Variants in KIAA1328 observed in about 807,000 individuals in gnomAD.
KIAA1328 encodes protein hinderin.
Under a neutral mutation model 68.1 loss-of-function variants are expected in KIAA1328, and 52 were observed. The ratio of observed to expected loss-of-function variants is 0.76; its 90% CI spans 0.61 to 0.96. The LOEUF (loss-of-function observed/expected upper bound fraction) is 0.96, where lower values mean the gene tolerates loss of function less well. Among genes scored for constraint, KIAA1328 ranks in the 40% least tolerant of loss-of-function variants. The pLI, the probability that KIAA1328 is intolerant of heterozygous loss-of-function variation, is 0.00. For missense variants in KIAA1328, 641 were observed against 677.6 expected (o/e 0.95, Z 0.60); for synonymous variants, 232 against 239.4 (o/e 0.97, Z 0.28).
Position 36,990,671 on chromosome 18 carries a change from A to AATATAT in KIAA1328, c.576+31251_576+31256dup, listed in dbSNP as rs149879506. Among the ~76,000 whole-genome samples, 30 of 146,820 alleles carry AATATAT rather than the reference A, an allele frequency of 2.0e-4. No individual in the cohort carries two copies. In the South Asian group the frequency reaches 4.7e-3, roughly 23 times the overall value. On this transcript the variant is annotated intron_variant, in intron 6 of 9. Transcript: ENST00000280020. ...GGGCAACAGAGCAAGACTCCGTCTAAATATATATATATATATATATTTGTG... is the reference window on the plus strand; with the variant it reads ...GGGCAACAGAGCAAGACTCCGTCTAAATATATATATATATATATATATATATTTGTG...
intron 5 of KIAA1328, chr18:36,946,132 A>G (rs949640812): frequency 6.6e-6 from 1 of 152,228 alleles, no homozygotes; most frequent in African/African-American, 2.4e-5. Flanking sequence ...GTTAGCCAAA[A>G]TAGAAATGTT....
At chr18:37,036,923 A>G (rs1349229479) in intron 6 of KIAA1328, among the ~76,000 whole-genome samples, 2 of 152,218 alleles carry the variant, frequency 1.3e-5, no homozygotes, top group Admixed American at 6.5e-5. Flanking sequence ...CAGCCAAAAT[A>G]TGCTGAAGAG....
intron 7 of KIAA1328, among the ~76,000 whole-genome samples, chr18:37,111,708 C>T (rs1177994333): frequency 3.9e-5 from 6 of 152,044 alleles, no homozygotes; most frequent in African/African-American, 9.7e-5. Context: ...GAGTATGAGC[C>T]AAAGCAGGGT....
At chr18:36,912,859 T>C (rs1366044851) in intron 5 of KIAA1328, among the ~76,000 whole-genome samples, 1 of 152,194 alleles carries the variant, frequency 6.6e-6, no homozygotes, top group Admixed American at 6.5e-5. Flanking sequence ...TCAGACAGGT[T>C]ATTTGCTCCC....
chr18:36,867,942 C>T (rs538280246), intron 4 of KIAA1328, among the ~76,000 whole-genome samples: 29 of 152,256 alleles, frequency 1.9e-4, no homozygotes, highest in Non-Finnish European at 3.4e-4. Flanking sequence ...ATCTCTGGTT[C>T]ATAATTAAAT....
At chr18:37,148,776 G>T (rs1209908825) in intron 7 of KIAA1328, among the ~76,000 whole-genome samples, 2 of 152,184 alleles carry the variant, frequency 1.3e-5, no homozygotes, top group East Asian at 3.8e-4. Context: ...CTTTTGAGAA[G>T]TGTGTATTCA....
intron 5 of KIAA1328, among the ~76,000 whole-genome samples, chr18:36,931,995 A>G (rs1309391592): frequency 6.6e-6 from 1 of 151,304 alleles, no homozygotes; most frequent in Non-Finnish European, 1.5e-5. Context: ...AAACAGGTAA[A>G]CCATATGTAC....
At chr18:36,903,182 T>C (rs1009160464) in intron 5 of KIAA1328, among the ~76,000 whole-genome samples, 4 of 152,148 alleles carry the variant, frequency 2.6e-5, no homozygotes, top group African/African-American at 9.6e-5. Flanking sequence ...TTCATGTTTT[T>C]CATTTAATCA....
downstream of KIAA1328, among the ~76,000 whole-genome samples, chr18:37,228,075 G>T (rs912656825): frequency 2.0e-5 from 3 of 152,162 alleles, no homozygotes; most frequent in African/African-American, 7.2e-5. Context: ...AGATGTGGTG[G>T]AAATAGCAAG....
intron 5 of KIAA1328, among the ~76,000 whole-genome samples, chr18:36,943,309 A>G (rs956505864): frequency 6.6e-6 from 1 of 152,218 alleles, no homozygotes; most frequent in African/African-American, 2.4e-5. Context: ...CTTTCATTAT[A>G]GAACCTTTCT....
intron 7 of KIAA1328, among the ~76,000 whole-genome samples, chr18:37,152,797 G>A (rs1372371082): frequency 4.6e-5 from 7 of 152,136 alleles, no homozygotes. Flanking sequence ...AGAGTCCTCA[G>A]TAAGGCTTCC....
At chr18:36,829,256 G>A in intron 1 of KIAA1328, 60 bp downstream of exon 1, 3 of 1,460,698 alleles carry the variant, frequency 2.1e-6, no homozygotes, top group Non-Finnish European at 2.7e-6. Context: ...CGAGGGGCGA[G>A]CCGTCGCGTG....
At chr18:37,185,052 G>A (rs1348378588) in intron 9 of KIAA1328, among the ~76,000 whole-genome samples, 3 of 151,980 alleles carry the variant, frequency 2.0e-5, no homozygotes, top group Non-Finnish European at 2.9e-5. Context: ...TGTAGTCTCA[G>A]CTACTTGGGA....
At chr18:37,098,919 T>C (rs1204986452) in intron 7 of KIAA1328, among the ~76,000 whole-genome samples, 1 of 152,194 alleles carries the variant, frequency 6.6e-6, no homozygotes, top group Non-Finnish European at 1.5e-5. Context: ...TCGGTGGCAA[T>C]ATCCCCTTGG....
At chr18:36,956,112 T>C (rs2051403557) in intron 5 of KIAA1328, among the ~76,000 whole-genome samples, 1 of 152,224 alleles carries the variant, frequency 6.6e-6, no homozygotes, top group African/African-American at 2.4e-5. Flanking sequence ...TAATGCATTT[T>C]AGTGTTAAGA....
At chr18:36,977,658 A>G in intron 6 of KIAA1328, among the ~76,000 whole-genome samples, 1 of 152,270 alleles carries the variant, frequency 6.6e-6, no homozygotes, top group Middle Eastern at 3.4e-3. Context: ...AAGGGACCAC[A>G]TTAATCAAAC....
At chr18:36,936,422 A>G (rs2050501936) in intron 5 of KIAA1328, among the ~76,000 whole-genome samples, 1 of 152,186 alleles carries the variant, frequency 6.6e-6, no homozygotes, top group Admixed American at 6.5e-5. Context: ...GATGGCTTCC[A>G]TCTTCATCCA....
At chr18:36,980,315 C>T (rs891605458) in intron 6 of KIAA1328, among the ~76,000 whole-genome samples, 5 of 152,196 alleles carry the variant, frequency 3.3e-5, no homozygotes, top group African/African-American at 9.7e-5. Flanking sequence ...GCACACTTCT[C>T]ATGCTGCAGG....
rs974659115 is a variant in KIAA1328 at position 36,926,826 on chromosome 18, C to T, written c.449-32482C>T. On this transcript the variant is annotated intron_variant, in intron 5 of 9. Coordinates refer to ENST00000280020, the MANE Select transcript of KIAA1328 (RefSeq NM_020776.3). ...GGCTAGGTAATTTGCAAAGAAAAGACGTGTAATTGGCGCATGGTTCTGCAT... is the reference window on the plus strand; with the variant it reads ...GGCTAGGTAATTTGCAAAGAAAAGATGTGTAATTGGCGCATGGTTCTGCAT... Among the ~76,000 whole-genome samples the T allele has an allele frequency of 3.9e-5, 6 of 152,076 alleles. No individual in the cohort carries two copies. The South Asian group carries it at 8.3e-4, about 21-fold the overall frequency.
Sources: allele counts gnomAD v4.1 joint callset (sites outside exome capture counted in the v4.1 genomes callset), GRCh38; gene constraint gnomAD v4.1.1; transcripts MANE v1.5; gene names NCBI Gene and HGNC (gene_info 2026-07-23, HGNC 2026-07-21).